The following DNAAF11 variants were observed in gnomAD, a reference collection of about 807,000 sequenced individuals.
The protein encoded by DNAAF11 is leucine rich repeat containing 6.
DNAAF11 carries 45 observed loss-of-function variants against 60.8 expected under a neutral mutation model. The observed-to-expected ratio is 0.74, with a 90% CI of 0.58 to 0.95. DNAAF11 has a LOEUF of 0.95. Among genes scored for constraint, DNAAF11 ranks in the 40% least tolerant of loss-of-function variants. The probability of loss-of-function intolerance (pLI) is 0.00; values close to 1 mark genes in which losing one functional copy is unlikely to be tolerated. For synonymous variants in DNAAF11, 191 were observed against 183.5 expected (o/e 1.04, Z -0.33); for missense variants, 546 against 546.2 (o/e 1.00, Z 0.00).
chr8:132,697,031 C>T, the DNAAF11 span, among the ~76,000 whole-genome samples: 2 of 152,068 alleles, frequency 1.3e-5, no homozygotes, highest in Non-Finnish European at 2.9e-5. Flanking sequence ...GCACATGTAC[C>T]CCTGAGCCTA....
chr8:132,583,614 T>G, intron 11 of DNAAF11, 80 bp downstream of exon 11: 1 of 1,063,586 alleles, frequency 9.4e-7, no homozygotes, highest in Non-Finnish European at 1.5e-6. Flanking sequence ...TTGTACAATT[T>G]TGGAAGCTGC....
intron 11 of DNAAF11, among the ~76,000 whole-genome samples, chr8:132,579,364 G>A (rs1408668082): frequency 6.6e-6 from 1 of 152,098 alleles, no homozygotes; most frequent in Non-Finnish European, 1.5e-5. Flanking sequence ...AAACCGCAGG[G>A]GGCTCAGGGA....
chr8:132,675,414 G>C, intron 1 of DNAAF11, 70 bp downstream of exon 1: 2 of 1,499,914 alleles, frequency 1.3e-6, no homozygotes, highest in Non-Finnish European at 1.8e-6. Flanking sequence ...CGGGCGGCGA[G>C]GATCCCACGA....
At chr8:132,646,773 C>T (rs937423145) in intron 3 of DNAAF11, among the ~76,000 whole-genome samples, 1 of 152,182 alleles carries the variant, frequency 6.6e-6, no homozygotes, top group Non-Finnish European at 1.5e-5. Flanking sequence ...GTAAAGGGAT[C>T]AATTCAACAA....
chr8:132,611,855 A>T (rs1418831360), intron 8 of DNAAF11, among the ~76,000 whole-genome samples: 1 of 152,192 alleles, frequency 6.6e-6, no homozygotes, highest in Non-Finnish European at 1.5e-5. Flanking sequence ...CTGCTGAATA[A>T]GCAAACCCTT....
chr8:132,619,155 G>A (rs556285832), intron 7 of DNAAF11, among the ~76,000 whole-genome samples: 41 of 152,218 alleles, frequency 2.7e-4, no homozygotes, highest in African/African-American at 8.4e-4. Context: ...GTAGGGACAC[G>A]GATGAAACTG....
intron 11 of DNAAF11, among the ~76,000 whole-genome samples, chr8:132,577,856 G>T (rs1385817570): frequency 1.3e-5 from 2 of 151,474 alleles, no homozygotes; most frequent in Non-Finnish European, 2.9e-5. Context: ...TAGTAGAAAT[G>T]GGGTTTTGCC....
At chr8:132,676,745 G>T (rs1825774172), upstream of DNAAF11, among the ~76,000 whole-genome samples, 2 of 152,144 alleles carry the variant, frequency 1.3e-5, no homozygotes, top group Admixed American at 1.3e-4. Context: ...AAGAGAGCTA[G>T]ATAGAAGGGA....
chr8:132,671,275 C>A (rs75126611), intron 1 of DNAAF11, among the ~76,000 whole-genome samples: 3,245 of 152,156 alleles, frequency 0.021, 129 homozygotes, highest in African/African-American at 0.074. Flanking sequence ...TCTATATACT[C>A]AACACTTACA....
intron 10 of DNAAF11, among the ~76,000 whole-genome samples, chr8:132,585,141 G>A (rs1160953540): frequency 3.3e-5 from 5 of 152,152 alleles, no homozygotes; most frequent in African/African-American, 1.2e-4. Flanking sequence ...ATGAACCAAT[G>A]AAGAAATGAT....
chr8:132,634,428 TCTTGTA>T (rs1481006921), intron 4 of DNAAF11, among the ~76,000 whole-genome samples: 3 of 152,196 alleles, frequency 2.0e-5, no homozygotes, highest in African/African-American at 7.2e-5. Context: ...TAAGGCTGTT[TCTTGTA>T]GTATCCTTCA....
intron 11 of DNAAF11, among the ~76,000 whole-genome samples, chr8:132,580,126 TA>T (rs753553163): frequency 1.3e-5 from 2 of 151,084 alleles, no homozygotes; most frequent in Non-Finnish European, 2.9e-5. Context: ...ACATGAACTA[TA>T]AAACCACTAC....
At chr8:132,687,466 A>T in the DNAAF11 span, 1 of 364,570 alleles carries the variant, frequency 2.7e-6, no homozygotes, top group Non-Finnish European at 5.4e-6. Flanking sequence ...TTATACCTTG[A>T]TGATGCCAGG....
intron 3 of DNAAF11, among the ~76,000 whole-genome samples, chr8:132,650,168 C>A (rs572024540): frequency 6.6e-6 from 1 of 152,312 alleles, no homozygotes; most frequent in African/African-American, 2.4e-5. Context: ...CACATCAACA[C>A]CATGGAATAC....
chr8:132,688,036 CT>C, the DNAAF11 span, among the ~76,000 whole-genome samples: 5 of 152,098 alleles, frequency 3.3e-5, no homozygotes, highest in East Asian at 1.9e-4. Context: ...ATTTGTAATT[CT>C]TTTTTTCTAA....
chr8:132,675,565 T>A, upstream of DNAAF11: 1 of 1,452,350 alleles, frequency 6.9e-7, no homozygotes, highest in Non-Finnish European at 9.3e-7. Flanking sequence ...CCTTCACCCC[T>A]GCTCCTCAGC....
the DNAAF11 span, among the ~76,000 whole-genome samples, chr8:132,688,216 C>T: frequency 4.9e-4 from 75 of 152,202 alleles, 1 homozygote; most frequent in Non-Finnish European, 1.5e-4. Flanking sequence ...TTGGGAGACA[C>T]ATTCAAACCA....
At chr8:132,627,294 T>C (rs1820372700) in intron 5 of DNAAF11, among the ~76,000 whole-genome samples, 1 of 152,120 alleles carries the variant, frequency 6.6e-6, no homozygotes, top group South Asian at 2.1e-4. Flanking sequence ...TATAAAAACA[T>C]AAAAATAACA....
intron 4 of DNAAF11, among the ~76,000 whole-genome samples, chr8:132,633,992 A>C (rs554986965): frequency 2.4e-4 from 36 of 152,318 alleles, no homozygotes; most frequent in African/African-American, 8.2e-4. Context: ...GCATTGTTTT[A>C]AGTCACTAAG....
Sources: allele counts gnomAD v4.1 joint callset (sites outside exome capture counted in the v4.1 genomes callset), GRCh38; gene constraint gnomAD v4.1.1; transcripts MANE v1.5; gene names NCBI Gene and HGNC (gene_info 2026-07-23, HGNC 2026-07-21).